The following GON4L variants were observed in gnomAD, a reference collection of about 807,000 sequenced individuals.
GON4L encodes the protein gon-4 like.
A neutral mutation model predicts 211.8 loss-of-function variants in GON4L; 87 were observed. That is an observed-to-expected ratio of 0.41 (90% CI 0.35 to 0.49). The LOEUF is 0.49. Among genes scored for constraint, GON4L ranks in the 20% least tolerant of loss-of-function variants. The pLI is 0.15. For missense variants in GON4L, 2,155 were observed against 2,659.5 expected, an observed-to-expected ratio of 0.81 and a Z score of 4.17; for synonymous variants, 875 against 962.6, an observed-to-expected ratio of 0.91 and a Z score of 1.68.
chr1:155,764,426 ATTTTTTTTTTTTTTTTTT>A (rs371568461), intron 21 of GON4L: 98 of 139,954 alleles, frequency 7.0e-4, no homozygotes, highest in South Asian at 3.0e-3. Flanking sequence ...GTTATTTACT[ATTTTTTTTTTTTTTTTTT>A]TTTTTTTTTT....
chr1:155,754,452 A>G lies in GON4L; in HGVS notation c.5554T>C (p.Cys1852Arg). 1 of 1,611,638 alleles carries G rather than the reference A, an allele frequency of 6.2e-7. No individual in the cohort carries two copies. Among genetic ancestry groups the G allele is most frequent in the Non-Finnish European group, 8.5e-7 (1 of 1,178,802 alleles). Residue 1852 changes from cysteine (C) to arginine (R), a missense_variant, in exon 28 of 32, where the codon TGC (cysteine) becomes CGC (arginine). Physicochemically the swap from Cys to Arg is radical, Grantham distance 180. This residue lies in a region of GON4L where 455 missense variants were observed against 504.6 expected (regional missense o/e 0.90). Coordinates refer to ENST00000368331, the MANE Select transcript of GON4L (RefSeq NM_001282860.2). ...TCTGGACCTCCTTCATGGCAGGAGC[A>G]GGCACAGTCCTTGGCCCCATCTGGC... ...EWPDGAKDCA[C>R]SCHEGGPDSK...
chr1:155,761,497 ATT>A (rs534585899), intron 23 of GON4L, among the ~76,000 whole-genome samples: 21 of 129,290 alleles, frequency 1.6e-4, no homozygotes, highest in Admixed American at 3.1e-4. Context: ...AGCCTGGTTC[ATT>A]TTTTTTTTTT....
intron 31 of GON4L, 101 bp downstream of exon 31, chr1:155,751,666 C>T (rs567242736): frequency 2.5e-6 from 2 of 795,602 alleles, no homozygotes; most frequent in Non-Finnish European, 4.3e-6. Flanking sequence ...ACAAAAACCA[C>T]TTATTATCTT....
intron 10 of GON4L, among the ~76,000 whole-genome samples, chr1:155,808,040 TA>T (rs1466848660): frequency 1.1e-4 from 16 of 151,748 alleles, no homozygotes; most frequent in African/African-American, 3.1e-4. Context: ...CTTATTTATT[TA>T]TTTTTTTTTT....
intron 28 of GON4L, chr1:155,753,897 T>C: frequency 4.6e-6 from 1 of 218,812 alleles, no homozygotes; most frequent in South Asian, 6.6e-5. Flanking sequence ...TTAAACACGG[T>C]CTCACTCTGT....
chr1:155,837,221 C>T (rs549878539), intron 2 of GON4L, among the ~76,000 whole-genome samples: 137 of 152,288 alleles, frequency 9.0e-4, no homozygotes, highest in African/African-American at 2.7e-3. Context: ...CCCAAATGAG[C>T]TGCCTTGTTC....
chr1:155,784,835 C>T (rs1439551301), intron 13 of GON4L: 2 of 218,916 alleles, frequency 9.1e-6, no homozygotes, highest in South Asian at 1.5e-4. Context: ...TTCCAGGGGC[C>T]AGGCATGCTG....
At chr1:155,810,238 C>T (rs1343940493) in intron 10 of GON4L, among the ~76,000 whole-genome samples, 1 of 151,198 alleles carries the variant, frequency 6.6e-6, no homozygotes, top group Non-Finnish European at 1.5e-5. Flanking sequence ...GGGTGATCCA[C>T]CCGCCTGGGC....
At position 155,766,026 on chromosome 1, in the gene GON4L, A is replaced by G; in HGVS notation, c.3447T>C (p.Ala1149=). ...CAAGGCTCACAATCTTCACAGTGGT[A>G]GCAGGAACAGTGAAGATAACAGATG... ...HPASVIFTVP[A]TTVKIVSLGG... Residue 1149 remains alanine, a synonymous_variant, in exon 21 of 32, where the codon GCT becomes GCC. Coordinates refer to ENST00000368331, the MANE Select transcript of GON4L (RefSeq NM_001282860.2). The G allele has an allele frequency of 1.2e-6, 2 of 1,614,210 alleles. No homozygotes were observed. The highest frequency in any genetic ancestry group is 2.2e-5 in the East Asian group (1 of 44,886).
At chr1:155,796,031 C>A (rs1443447054) in intron 11 of GON4L, among the ~76,000 whole-genome samples, 1 of 152,032 alleles carries the variant, frequency 6.6e-6, no homozygotes, top group African/African-American at 2.4e-5. Context: ...CAAAATACTT[C>A]CGGTCCTGAG....
intron 10 of GON4L, among the ~76,000 whole-genome samples, chr1:155,812,912 C>T (rs1667921626): frequency 6.6e-6 from 1 of 152,140 alleles, no homozygotes; most frequent in African/African-American, 2.4e-5. Flanking sequence ...ATAATAAACT[C>T]ATTTTTAGAA....
intron 19 of GON4L, among the ~76,000 whole-genome samples, chr1:155,768,607 T>C (rs1662825260): frequency 6.9e-6 from 1 of 144,410 alleles, no homozygotes; most frequent in Admixed American, 7.0e-5. Flanking sequence ...CAAGACTCCA[T>C]CTCAAAAAAA....
intron 2 of GON4L, among the ~76,000 whole-genome samples, chr1:155,831,065 G>A (rs1162843873): frequency 1.3e-5 from 2 of 152,102 alleles, no homozygotes; most frequent in Admixed American, 6.6e-5. Context: ...TTGGGAGGCT[G>A]AGGTGGACAG....
chr1:155,792,079 A>ATACACTAGATAG (rs1454811528), intron 12 of GON4L, among the ~76,000 whole-genome samples: 1 of 152,148 alleles, frequency 6.6e-6, no homozygotes, highest in Non-Finnish European at 1.5e-5. Context: ...GAGGTGTTCA[A>ATACACTAGATAG]GTTTACAATA....
At position 155,795,078 on chromosome 1, in the gene GON4L, G is replaced by C; in HGVS notation, c.1719C>G (p.Phe573Leu). The change falls in exon 12 of 32, where the codon TTC becomes TTG. Residue 573 changes from phenylalanine (F) to leucine (L), a missense_variant. Phe to Leu is a conservative substitution (Grantham distance 22). Around this residue, in one of 6 missense-constraint regions of GON4L, gnomAD observed 551 missense variants for 854.0 expected, o/e 0.65. Transcript: ENST00000368331. ...TGATTCTCACTGCCCGGTCAGTCCG[G>C]AAATCCTCTGTGTCTGGTTCATCGA... ...EDLDEPDTED[F>L]RTDRAVRITK... 1 of 1,605,116 alleles carries C rather than the reference G, an allele frequency of 6.2e-7. No individual in the cohort carries two copies. The highest frequency in any genetic ancestry group is 8.5e-7 in the Non-Finnish European group (1 of 1,171,728).
chr1:155,805,121 A>C lies in GON4L; in HGVS notation c.1473T>G (p.Ile491Met). The C allele has an allele frequency of 6.2e-7, 1 of 1,613,386 alleles. No homozygotes were observed. Among genetic ancestry groups the C allele is most frequent in the Non-Finnish European group, 8.5e-7 (1 of 1,179,348 alleles). ...GCATCTTAGAACGCGTTCGAAATGCAATGAGACTGTCATCCATGGGCTGGA... is the reference window on the plus strand; with the variant it reads ...GCATCTTAGAACGCGTTCGAAATGCCATGAGACTGTCATCCATGGGCTGGA... ...DSFQPMDDSL[I>M]AFRTRSKMPL... The change falls in exon 11 of 32, where the codon ATT becomes ATG. Residue 491 changes from isoleucine to methionine, a missense_variant. Ile to Met is a conservative substitution (Grantham distance 10). This residue lies in a region of GON4L where 551 missense variants were observed against 854.0 expected (regional missense o/e 0.65). Coordinates refer to ENST00000368331, the MANE Select transcript of GON4L (RefSeq NM_001282860.2).
At chr1:155,831,673 A>G (rs1669786388) in intron 2 of GON4L, 1 of 151,144 alleles carries the variant, frequency 6.6e-6, no homozygotes, top group Non-Finnish European at 1.5e-5. Context: ...CAACTTATAG[A>G]GACCTTGTGT....
chr1:155,831,125 G>A (rs1355671630), intron 2 of GON4L, among the ~76,000 whole-genome samples: 3 of 151,954 alleles, frequency 2.0e-5, no homozygotes, highest in African/African-American at 4.8e-5. Context: ...GTGGTGAAAC[G>A]CTATCTCGAC....
At position 155,776,397 on chromosome 1, in the gene GON4L, G is replaced by A; in HGVS notation, c.2176C>T (p.Leu726Phe). Residue 726 changes from leucine to phenylalanine, a missense_variant and splice_region_variant, in exon 16 of 32, where the codon CTT becomes TTT. This residue lies in a region of GON4L where 551 missense variants were observed against 854.0 expected (regional missense o/e 0.65). Transcript: ENST00000368331. ...GTTATGGATATTTGGAAACTTACAAGAAATATCCTGGTGGTAGTGGCCTCC... is the reference window on the plus strand; with the variant it reads ...GTTATGGATATTTGGAAACTTACAAAAAATATCCTGGTGGTAGTGGCCTCC... The part of the protein sequence containing the change: ...NPEATTTRIF[L>F]KELGTFAQSS... The A allele has an allele frequency of 6.3e-7, 1 of 1,596,108 alleles. No homozygotes were observed. The highest frequency in any genetic ancestry group is 8.6e-7 in the Non-Finnish European group (1 of 1,163,670).
Sources: allele counts gnomAD v4.1 joint callset (sites outside exome capture counted in the v4.1 genomes callset), GRCh38; gene constraint gnomAD v4.1.1; regional missense constraint gnomAD v4.1.1; transcripts MANE v1.5; gene names NCBI Gene and HGNC (gene_info 2026-07-23, HGNC 2026-07-21).